ZNF331: variants seen among roughly 807,000 people sequenced by gnomAD.
ZNF331 encodes the protein C2H2-like zinc finger protein rearranged in thyroid adenomas.
ZNF331 carries 2 observed loss-of-function variants against 7.0 expected under a neutral mutation model. That is an observed-to-expected ratio of 0.29 (90% CI 0.12 to 0.90). The LOEUF (loss-of-function observed/expected upper bound fraction) is 0.90, where lower values mean the gene tolerates loss of function less well. Among genes scored for constraint, ZNF331 ranks in the 40% least tolerant of loss-of-function variants. ZNF331 has a pLI of 0.58. For missense variants in ZNF331, 432 were observed against 587.7 expected, an observed-to-expected ratio of 0.74 and a Z score of 2.74; for synonymous variants, 196 against 205.4, an observed-to-expected ratio of 0.95 and a Z score of 0.39.
the ZNF331 span, chr19:53,512,240 A>C: frequency 1.3e-5 from 2 of 153,432 alleles, no homozygotes; most frequent in Admixed American, 6.5e-5. Context: ...GGGAGAAGCC[A>C]CCCTCAGCAG....
the ZNF331 span, among the ~76,000 whole-genome samples, chr19:53,506,279 G>T: frequency 8.9e-6 from 1 of 112,580 alleles, no homozygotes; most frequent in East Asian, 2.2e-4. Flanking sequence ...AGCTTGCAGT[G>T]AGCGGAGATC....
intron 2 of ZNF331, among the ~76,000 whole-genome samples, chr19:53,530,360 C>T (rs10412800): frequency 0.27 from 37,266 of 139,534 alleles, 6,129 homozygotes; most frequent in African/African-American, 0.44. Context: ...TCACCTCCCA[C>T]CAGGCCCCAC....
chr19:53,566,996 CGTGT>C (rs1046093397), intron 3 of ZNF331, among the ~76,000 whole-genome samples: 6 of 151,910 alleles, frequency 3.9e-5, no homozygotes, highest in Admixed American at 6.6e-5. Context: ...TAGACAGATG[CGTGT>C]GTGTGTGTAT....
intron 2 of ZNF331, among the ~76,000 whole-genome samples, chr19:53,548,257 G>A (rs781536428): frequency 1.4e-4 from 22 of 152,062 alleles, no homozygotes; most frequent in Admixed American, 7.9e-4. Flanking sequence ...ACAGGCGCGT[G>A]CCACCACGCC....
intron 2 of ZNF331, among the ~76,000 whole-genome samples, chr19:53,532,806 A>T (rs1340198581): frequency 2.0e-5 from 3 of 152,132 alleles, no homozygotes; most frequent in African/African-American, 7.2e-5. Flanking sequence ...TTTGGCATCT[A>T]ATTGTTCATT....
intron 2 of ZNF331, among the ~76,000 whole-genome samples, chr19:53,553,600 A>G (rs955562805): frequency 7.0e-6 from 1 of 142,626 alleles, no homozygotes; most frequent in African/African-American, 3.1e-5. Flanking sequence ...TCAAAATGAG[A>G]CTGTGGTTAA....
intron 2 of ZNF331, among the ~76,000 whole-genome samples, chr19:53,525,647 C>A (rs373963593): frequency 1.3e-5 from 2 of 152,246 alleles, no homozygotes; most frequent in East Asian, 3.9e-4. Flanking sequence ...ACGTTGCATA[C>A]TACAACTTTA....
At chr19:53,548,742 G>A (rs532204423) in intron 2 of ZNF331, among the ~76,000 whole-genome samples, 17 of 152,226 alleles carry the variant, frequency 1.1e-4, no homozygotes, top group East Asian at 1.9e-4. Context: ...TGCCAAGGGC[G>A]ATGTGAAGGA....
Position 53,571,025 on chromosome 19 carries a change from AT to A in ZNF331, c.10-572del, listed in dbSNP as rs2090422172. On this transcript the variant is annotated intron_variant, in intron 4 of 5. Coordinates refer to ENST00000449416, the MANE Select transcript of ZNF331 (RefSeq NM_001079906.2). This position sits in a 1 kb window ranked among gnomAD's most constrained non-coding sequence, Gnocchi z 4.7. ...AGGCGCCCACCATCACGCCCGGCTA[AT>A]TTTTTTGTATTTTTAGTAGAGATGG... Among the ~76,000 whole-genome samples the A allele has an allele frequency of 6.6e-6, 1 of 151,170 alleles. No individual in the cohort carries two copies. Among genetic ancestry groups the A allele is most frequent in the Non-Finnish European group, 1.5e-5 (1 of 67,828 alleles).
chr19:53,540,740 G>A (rs1204127108), intron 2 of ZNF331, among the ~76,000 whole-genome samples: 1 of 151,164 alleles, frequency 6.6e-6, no homozygotes, highest in Non-Finnish European at 1.5e-5. Context: ...CTGCCCTGTG[G>A]GAGGTATTTT....
At chr19:53,561,579 G>A (rs1391070361) in intron 3 of ZNF331, among the ~76,000 whole-genome samples, 2 of 152,094 alleles carry the variant, frequency 1.3e-5, no homozygotes, top group African/African-American at 2.4e-5. Context: ...CTAATCTGTA[G>A]CAGCAAATTA....
chr19:53,521,826 T>G (rs2087100804), exon 1 of ZNF331: 1 of 152,294 alleles, frequency 6.6e-6, no homozygotes, highest in Non-Finnish European at 1.5e-5. Context: ...TGAGCACAGG[T>G]GTGTGCGACC....
chr19:53,562,008 C>T (rs895388969), intron 3 of ZNF331, among the ~76,000 whole-genome samples: 68 of 151,828 alleles, frequency 4.5e-4, no homozygotes, highest in Admixed American at 3.5e-3. Context: ...ATTAGGCAGG[C>T]GTGGTGGCGC....
chr19:53,519,850 G>C (rs1449855352), upstream of ZNF331, among the ~76,000 whole-genome samples: 1 of 152,128 alleles, frequency 6.6e-6, no homozygotes, highest in African/African-American at 2.4e-5. Context: ...GTGGGGGAAA[G>C]GGCAGTGCTG....
intron 2 of ZNF331, among the ~76,000 whole-genome samples, chr19:53,552,611 T>C (rs1356720450): frequency 6.6e-6 from 1 of 151,952 alleles, no homozygotes; most frequent in Admixed American, 6.6e-5. Context: ...CGTGCACCTG[T>C]AGTCCCAGCT....
At position 53,525,100 on chromosome 19, in the gene ZNF331, C is replaced by A. The variant is rs113129717; in HGVS notation, c.-205+2416C>A. The stretch of plus-strand genomic sequence containing the variant: ...AGATGTGTGGTGTTATTTCTGAGGC[C>A]TCTGTTCTGTTCCATTGGTCTATAT... On this transcript the variant is annotated intron_variant, in intron 2 of 6. Coordinates refer to the ZNF331 transcript ENST00000253144. Among the ~76,000 whole-genome samples the A allele has an allele frequency of 9.8e-3, 1,489 of 152,148 alleles. 29 individuals are homozygous for A. Among genetic ancestry groups the A allele is most frequent in the African/African-American group, 0.034 (1,393 of 41,494 alleles).
the ZNF331 span, among the ~76,000 whole-genome samples, chr19:53,510,687 A>C: frequency 1.3e-5 from 2 of 152,208 alleles, no homozygotes; most frequent in East Asian, 3.9e-4. Flanking sequence ...GATTCTTGCA[A>C]TAACATCCAT....
intron 2 of ZNF331, among the ~76,000 whole-genome samples, chr19:53,549,709 A>G (rs758010917): frequency 8.9e-6 from 1 of 112,824 alleles, no homozygotes; most frequent in African/African-American, 3.7e-5. Flanking sequence ...AAAAAAAAAA[A>G]TTTTTTTTTA....
At position 53,558,357 on chromosome 19, in the gene ZNF331, G is replaced by A. The variant is rs537769362; in HGVS notation, c.-74+2449G>A. 4.6e-5 allele frequency among the ~76,000 whole-genome samples: 7 copies of A among 152,172 alleles called. No individual in the cohort carries two copies. The highest frequency in any genetic ancestry group is 1.2e-4 in the African/African-American group (5 of 41,510). On this transcript the variant is annotated intron_variant, in intron 3 of 5. Transcript: ENST00000449416. This position sits in a 1 kb window ranked among gnomAD's most constrained non-coding sequence, Gnocchi z 4.5. ...TTCTGTTCCCGTGGAATTGGGGTGC[G>A]CCACCTTTTCAGAGTTCTTTTGTAC...
Sources: allele counts gnomAD v4.1 joint callset (sites outside exome capture counted in the v4.1 genomes callset), GRCh38; gene constraint gnomAD v4.1.1; non-coding constraint Gnocchi (gnomAD v3.1); transcripts MANE v1.5; gene names NCBI Gene and HGNC (gene_info 2026-07-23, HGNC 2026-07-21).